The following GRIP2 variants were observed in gnomAD, a reference collection of about 807,000 sequenced individuals.
The protein encoded by GRIP2 is glutamate receptor interacting protein 2.
Under a neutral mutation model 108.3 loss-of-function variants are expected in GRIP2, and 58 were observed. The ratio of observed to expected loss-of-function variants is 0.54; its 90% CI spans 0.43 to 0.67. GRIP2 has a LOEUF of 0.67. Ranked by LOEUF, GRIP2 falls within the 30% of genes least tolerant of loss-of-function variation. The pLI, the probability that GRIP2 is intolerant of heterozygous loss-of-function variation, is 0.00. For synonymous variants in GRIP2, 586 were observed against 598.2 expected (o/e 0.98, Z 0.30); for missense variants, 1,278 against 1,430.6 (o/e 0.89, Z 1.72).
chr3:14,544,992 C>G (rs1695035959), upstream of GRIP2, among the ~76,000 whole-genome samples: 2 of 152,208 alleles, frequency 1.3e-5, no homozygotes, highest in Non-Finnish European at 2.9e-5. Context: ...TAGTGCCACC[C>G]AGTGGGCTGC....
chr3:14,523,766 G>A (rs1310996422), intron 4 of GRIP2, 68 bp from the exon 5 acceptor site: 5 of 1,046,420 alleles, frequency 4.8e-6, no homozygotes, highest in East Asian at 2.5e-5. Context: ...TGTGCCCAAA[G>A]CTCATTCCAG....
At chr3:14,518,994 A>G (rs1301821770) in intron 9 of GRIP2, among the ~76,000 whole-genome samples, 6 of 152,230 alleles carry the variant, frequency 3.9e-5, no homozygotes, top group Non-Finnish European at 8.8e-5. Flanking sequence ...TAGCCTTGCA[A>G]CGCTACCTCA....
At chr3:14,597,691 T>C in the GRIP2 span, among the ~76,000 whole-genome samples, 1 of 151,760 alleles carries the variant, frequency 6.6e-6, no homozygotes, top group African/African-American at 2.4e-5. Context: ...GTAGATTCCT[T>C]GTCCTTTTAC....
chr3:14,550,503 C>A (rs1009283175), intron 1 of GRIP2, among the ~76,000 whole-genome samples: 1 of 152,196 alleles, frequency 6.6e-6, no homozygotes, highest in Non-Finnish European at 1.5e-5. Flanking sequence ...TAGTATGCCA[C>A]CCTCCCCGCA....
At chr3:14,545,621 C>T (rs1026467002), upstream of GRIP2, among the ~76,000 whole-genome samples, 1 of 152,214 alleles carries the variant, frequency 6.6e-6, no homozygotes, top group African/African-American at 2.4e-5. Context: ...GACATGGGAG[C>T]ACAGCTGTAC....
chr3:14,554,512 G>T (rs1695203278), intron 1 of GRIP2, among the ~76,000 whole-genome samples: 1 of 152,090 alleles, frequency 6.6e-6, no homozygotes, highest in African/African-American at 2.4e-5. Flanking sequence ...GACCCAAAGA[G>T]AGGCCTGTTC....
intron 1 of GRIP2, among the ~76,000 whole-genome samples, chr3:14,537,158 C>T (rs1476053656): frequency 1.3e-5 from 2 of 152,072 alleles, no homozygotes; most frequent in African/African-American, 2.4e-5. Context: ...TCTGTCCTTT[C>T]GACCCAAGGC....
chr3:14,593,655 C>T, the GRIP2 span, among the ~76,000 whole-genome samples: 6 of 152,356 alleles, frequency 3.9e-5, no homozygotes, highest in East Asian at 1.9e-4. Context: ...CAGTGCGCTA[C>T]AGGTTGACAA....
In GRIP2 at chr3:14,521,944, G is replaced by A; in HGVS notation, c.567-157C>T. ...GACGGGTGAAGGGGCGCATGAGTGA[G>A]TGAAGGAATGAGCCACTCCAGGAGT... On this transcript the variant is annotated intron_variant, in intron 6 of 23. Coordinates refer to ENST00000621039, the MANE Select transcript of GRIP2 (RefSeq NM_001080423.4). This position sits in a 1 kb window ranked among gnomAD's most constrained non-coding sequence, Gnocchi z 5.1. 1.5e-6 allele frequency: 1 copy of A among 649,706 alleles called. No homozygotes were observed. Among genetic ancestry groups the A allele is most frequent in the Non-Finnish European group, 2.5e-6 (1 of 398,104 alleles). The allele number at this position is 649,706 out of a possible 1,614,324, so 40.2% of individuals were successfully genotyped here.
chr3:14,574,761 T>G, the GRIP2 span: 2 of 397,664 alleles, frequency 5.0e-6, no homozygotes, highest in Middle Eastern at 7.8e-4. Flanking sequence ...TGCGGCTGCA[T>G]GGAAGCTCAT....
chr3:14,524,943 A>G (rs1306399596), intron 3 of GRIP2, among the ~76,000 whole-genome samples: 1 of 152,154 alleles, frequency 6.6e-6, no homozygotes, highest in East Asian at 1.9e-4. Flanking sequence ...TGAGAGGCTA[A>G]CTCCCAGGCC....
intron 20 of GRIP2, chr3:14,504,073 C>G (rs1693847859): frequency 4.1e-6 from 1 of 240,972 alleles, no homozygotes; most frequent in African/African-American, 2.3e-5. Context: ...GTGACAGGGA[C>G]AGAGCTGGGG....
rs1426733357 is a variant in GRIP2 at position 14,490,049 on chromosome 3, T to C, written c.*3616A>G. Reference sequence around the variant, plus strand: ...GACAAAATTCTCAGTAACTCATTTATAGACAATGTTAGAATAGAAGACCAC... The same window carrying C: ...GACAAAATTCTCAGTAACTCATTTACAGACAATGTTAGAATAGAAGACCAC... On this transcript the variant is annotated 3_prime_UTR_variant, in exon 24 of 24. Transcript: ENST00000621039. 1.3e-5 allele frequency: 2 copies of C among 152,192 alleles called. No individual in the cohort carries two copies. Among genetic ancestry groups the C allele is most frequent in the Non-Finnish European group, 2.9e-5 (2 of 68,034 alleles). 9.4% of individuals were successfully genotyped at this position (152,192 alleles called of 1,614,324 possible). A position where few individuals can be genotyped will look rare whatever the true frequency, so the allele number is the denominator to read the frequency against.
the GRIP2 span, among the ~76,000 whole-genome samples, chr3:14,596,224 G>T: frequency 6.6e-6 from 1 of 152,216 alleles, no homozygotes; most frequent in Non-Finnish European, 1.5e-5. Flanking sequence ...CCTCTGGCAG[G>T]TAAGGAGGTA....
chr3:14,600,276 C>G, the GRIP2 span, among the ~76,000 whole-genome samples: 1 of 152,178 alleles, frequency 6.6e-6, no homozygotes, highest in East Asian at 1.9e-4. Context: ...AAAGGGAGAA[C>G]AGAACTGGCA....
At position 14,522,030 on chromosome 3, in the gene GRIP2, A is replaced by C; in HGVS notation, c.567-243T>G. On this transcript the variant is annotated intron_variant, in intron 6 of 23. Transcript: ENST00000621039. This position sits in a 1 kb window ranked among gnomAD's most constrained non-coding sequence, Gnocchi z 4.3. ...GGATGGGGTGGCTCTGCCGCCTGCC[A>C]CTCCTCTGGGTGTGCAGTAATTCAC... 3.9e-6 allele frequency: 2 copies of C among 513,896 alleles called. No homozygotes were observed. 31.8% of individuals were successfully genotyped at this position (513,896 alleles called of 1,614,324 possible). A position where few individuals can be genotyped will look rare whatever the true frequency, so the allele number is the denominator to read the frequency against.
At chr3:14,543,950 G>C (rs1260269315), upstream of GRIP2, among the ~76,000 whole-genome samples, 1 of 152,224 alleles carries the variant, frequency 6.6e-6, no homozygotes, top group African/African-American at 2.4e-5. Context: ...CTACCCTCTA[G>C]GGTTGGGAAG....
chr3:14,577,271 G>T, the GRIP2 span, among the ~76,000 whole-genome samples: 1 of 152,214 alleles, frequency 6.6e-6, no homozygotes, highest in Non-Finnish European at 1.5e-5. Context: ...AATGGTGCAT[G>T]TTTCTTTCTT....
In GRIP2 at chr3:14,489,390, C is replaced by T. The variant is rs900250137; in HGVS notation, c.*4275G>A. 2.6e-5 allele frequency: 4 copies of T among 152,548 alleles called. No homozygotes were observed. The highest frequency in any genetic ancestry group is 5.9e-5 in the Non-Finnish European group (4 of 68,016). 9.4% of individuals were successfully genotyped at this position (152,548 alleles called of 1,614,324 possible). On this transcript the variant is annotated 3_prime_UTR_variant, in exon 24 of 24. Coordinates refer to ENST00000621039, the MANE Select transcript of GRIP2 (RefSeq NM_001080423.4). The stretch of plus-strand genomic sequence containing the variant: ...TTCTGGTGAGGTATTTCCCCCTCAA[C>T]GTTTGCCAAACGCTTTACATTTTAT...
Sources: allele counts gnomAD v4.1 joint callset (sites outside exome capture counted in the v4.1 genomes callset), GRCh38; gene constraint gnomAD v4.1.1; non-coding constraint Gnocchi (gnomAD v3.1); transcripts MANE v1.5; gene names NCBI Gene and HGNC (gene_info 2026-07-23, HGNC 2026-07-21).